PCDHGA6: variants seen among roughly 807,000 people sequenced by gnomAD.
The protein encoded by PCDHGA6 is protocadherin gamma-A6.
Under a neutral mutation model 60.6 loss-of-function variants are expected in PCDHGA6, and 41 were observed. The observed-to-expected ratio is 0.68, with a 90% CI of 0.53 to 0.88. The LOEUF is 0.88. PCDHGA6 is among the 40% of genes least tolerant of loss of function. PCDHGA6 has a pLI of 0.00. For missense variants in PCDHGA6, 1,312 were observed against 1,203.0 expected (o/e 1.09, Z -1.34); for synonymous variants, 594 against 524.4 (o/e 1.13, Z -1.81).
At chr5:141,414,926 G>T (rs2095802657) in intron 1 of PCDHGA6, 3 of 1,614,114 alleles carry the variant, frequency 1.9e-6, no homozygotes, top group Admixed American at 1.7e-5. Flanking sequence ...CTGGCGCCCC[G>T]CTCCGCAGAG....
chr5:141,374,191 C>G lies in PCDHGA6; in HGVS notation c.108C>G (p.Pro36=), dbSNP rs780279453. Residue 36 remains proline (P), a synonymous_variant, in exon 1 of 4, where the codon CCC becomes CCG. Coordinates refer to ENST00000517434, the MANE Select transcript of PCDHGA6 (RefSeq NM_018919.3). The part of the protein sequence containing the change: ...AAAAQIRYSI[P]EELEKGSFVG... ...CAGCGCAGATCCGCTACTCTATTCC[C>G]GAGGAGCTGGAGAAAGGCTCCTTCG... The G allele has an allele frequency of 6.2e-6, 10 of 1,613,664 alleles. No homozygotes were observed. In the Admixed American group the frequency reaches 1.5e-4, roughly 24 times the overall value.
intron 1 of PCDHGA6, chr5:141,404,461 C>T: frequency 1.2e-6 from 2 of 1,613,208 alleles, no homozygotes; most frequent in Non-Finnish European, 1.7e-6. Flanking sequence ...CTCTCTCCAC[C>T]TATGTCTCTA....
chr5:141,500,433 T>A (rs1398344932), intron 2 of PCDHGA6, among the ~76,000 whole-genome samples: 17 of 151,882 alleles, frequency 1.1e-4, no homozygotes, highest in East Asian at 7.8e-4. Flanking sequence ...ATGGTCTCGA[T>A]CTCCTGACCT....
At chr5:141,435,995 A>C (rs1033174115) in intron 1 of PCDHGA6, among the ~76,000 whole-genome samples, 2 of 152,144 alleles carry the variant, frequency 1.3e-5, no homozygotes, top group African/African-American at 4.8e-5. Context: ...TGATTTTTTG[A>C]AAGAAAGTAT....
chr5:141,414,992 C>T, intron 1 of PCDHGA6: 2 of 1,613,770 alleles, frequency 1.2e-6, no homozygotes, highest in Non-Finnish European at 1.7e-6. Flanking sequence ...GGCCAGAACG[C>T]CTGGCTGTCC....
At chr5:141,415,437 G>A in intron 1 of PCDHGA6, 1 of 1,614,200 alleles carries the variant, frequency 6.2e-7, no homozygotes, top group Non-Finnish European at 8.5e-7. Flanking sequence ...GGGCTTTCCT[G>A]CAGACCTATT....
chr5:141,497,544 T>C (rs1410779650), intron 2 of PCDHGA6, among the ~76,000 whole-genome samples: 4 of 150,796 alleles, frequency 2.7e-5, no homozygotes, highest in African/African-American at 9.8e-5. Flanking sequence ...ACAAACCTTT[T>C]TTTTTTTTTT....
intron 1 of PCDHGA6, chr5:141,408,577 T>C (rs771768269): frequency 6.2e-7 from 1 of 1,614,068 alleles, no homozygotes; most frequent in South Asian, 1.1e-5. Flanking sequence ...TGATTGAGGA[T>C]GTTAATGACC....
In PCDHGA6 at chr5:141,485,472, C is replaced by T. The variant is rs1185020546; in HGVS notation, c.2425-9335C>T. On this transcript the variant is annotated intron_variant, in intron 1 of 3. Transcript: ENST00000517434. This position sits in a 1 kb window ranked among gnomAD's most constrained non-coding sequence, Gnocchi z 5.7. The stretch of plus-strand genomic sequence containing the variant: ...CGAGAGGCACTGTGTGGGCTCAGTG[C>T]CAGCTGCATCGTGCCCCTGGAGTTT... The T allele has an allele frequency of 3.1e-6, 5 of 1,614,138 alleles. No individual in the cohort carries two copies. In the South Asian group the frequency reaches 5.5e-5, roughly 18 times the overall value.
Position 141,405,152 on chromosome 5 carries a change from G to T in PCDHGA6, c.2424+28645G>T, listed in dbSNP as rs550773622. Reference sequence around the variant, plus strand: ...GCGGGCTACCAGTGATGGGTTGGCTGGTGTGCCCACCTCACACTTTGTGGG... The same window carrying T: ...GCGGGCTACCAGTGATGGGTTGGCTTGTGTGCCCACCTCACACTTTGTGGG... On this transcript the variant is annotated intron_variant, in intron 1 of 3. Transcript: ENST00000517434. 180 of 1,613,896 alleles carry T rather than the reference G, an allele frequency of 1.1e-4. 1 individual carries two copies. In the South Asian group the frequency reaches 1.9e-3, roughly 17 times the overall value.
At chr5:141,418,128 T>C (rs1386757111) in intron 1 of PCDHGA6, 1 of 1,614,090 alleles carries the variant, frequency 6.2e-7, no homozygotes, top group South Asian at 1.1e-5. Flanking sequence ...AAGGACCGAA[T>C]AGACCGTGAG....
rs764843194 is a variant in PCDHGA6 at position 141,490,530 on chromosome 5, T to A, written c.2425-4277T>A. 1.2e-6 allele frequency: 2 copies of A among 1,613,794 alleles called. No individual in the cohort carries two copies. Among genetic ancestry groups the A allele is most frequent in the African/African-American group, 2.7e-5 (2 of 74,846 alleles). ...TCGAGCTGCTGGCCAGCGATGCTGG[T>A]TCACCTTCCCTACACAAACATCTCA... On this transcript the variant is annotated intron_variant, in intron 1 of 3. Coordinates refer to ENST00000517434, the MANE Select transcript of PCDHGA6 (RefSeq NM_018919.3). This position sits in a 1 kb window ranked among gnomAD's most constrained non-coding sequence, Gnocchi z 5.4.
intron 1 of PCDHGA6, among the ~76,000 whole-genome samples, chr5:141,472,405 G>A (rs1207849470): frequency 6.6e-6 from 1 of 152,086 alleles, no homozygotes; most frequent in Non-Finnish European, 1.5e-5. Flanking sequence ...GCCAGGCGTG[G>A]TGGCACGCAC....
At chr5:141,448,200 T>C (rs2098574351) in intron 1 of PCDHGA6, among the ~76,000 whole-genome samples, 1 of 152,156 alleles carries the variant, frequency 6.6e-6, no homozygotes, top group Non-Finnish European at 1.5e-5. Context: ...CTTACAAACA[T>C]TTTCTGTGTG....
intron 1 of PCDHGA6, chr5:141,430,875 T>C: frequency 6.3e-7 from 1 of 1,599,398 alleles, no homozygotes; most frequent in Non-Finnish European, 8.5e-7. Context: ...CCGGAAGAGC[T>C]GGAGAAAGGC....
intron 1 of PCDHGA6, chr5:141,409,728 C>G (rs13184503): frequency 6.2e-7 from 1 of 1,613,134 alleles, no homozygotes; most frequent in Admixed American, 1.7e-5. Flanking sequence ...TCAGTGAGCG[C>G]GCAGAGCGGG....
intron 1 of PCDHGA6, chr5:141,417,819 C>T: frequency 3.3e-6 from 5 of 1,513,202 alleles, no homozygotes; most frequent in Non-Finnish European, 3.5e-6. Flanking sequence ...GCACTTTCTC[C>T]AACTGGAAAA....
chr5:141,432,934 G>A lies in PCDHGA6; in HGVS notation c.2424+56427G>A. The stretch of plus-strand genomic sequence containing the variant: ...GGCGCTGGCACAAGTCACGCCTGCT[G>A]CAGGCTTCAGGAGGCGGCTTGACAG... On this transcript the variant is annotated intron_variant, in intron 1 of 3. Transcript: ENST00000517434. This position sits in a 1 kb window ranked among gnomAD's most constrained non-coding sequence, Gnocchi z 6.0. 1.9e-6 allele frequency: 3 copies of A among 1,614,196 alleles called. No individual in the cohort carries two copies. Among genetic ancestry groups the A allele is most frequent in the Non-Finnish European group, 2.5e-6 (3 of 1,180,040 alleles).
At position 141,467,151 on chromosome 5, in the gene PCDHGA6, C is replaced by T. The variant is rs527879624; in HGVS notation, c.2425-27656C>T. ...CACTGCAACCTCTGCCTCCCAGGTT[C>T]AAGTGATTCTCATCTCTCAGCCTCC... is the stretch of plus-strand genomic sequence containing the variant. On this transcript the variant is annotated intron_variant, in intron 1 of 3. Transcript: ENST00000517434. Among the ~76,000 whole-genome samples the T allele has an allele frequency of 4.0e-5, 6 of 151,660 alleles. No homozygotes were observed. In the East Asian group the frequency reaches 7.8e-4, roughly 20 times the overall value.
Sources: allele counts gnomAD v4.1 joint callset (sites outside exome capture counted in the v4.1 genomes callset), GRCh38; gene constraint gnomAD v4.1.1; non-coding constraint Gnocchi (gnomAD v3.1); transcripts MANE v1.5; gene names NCBI Gene and HGNC (gene_info 2026-07-23, HGNC 2026-07-21).